Variants in CUL5 observed in about 807,000 individuals in gnomAD.
CUL5 encodes the protein cullin-5.
Under a neutral mutation model 108.8 loss-of-function variants are expected in CUL5, and 26 were observed. That is an observed-to-expected ratio of 0.24 (90% CI 0.18 to 0.33). The LOEUF (loss-of-function observed/expected upper bound fraction) is 0.33, where lower values mean the gene tolerates loss of function less well. Ranked by LOEUF, CUL5 falls within the 10% of genes least tolerant of loss-of-function variation. The pLI, the probability that CUL5 is intolerant of heterozygous loss-of-function variation, is 1.00. For missense variants in CUL5, 524 were observed against 909.2 expected (o/e 0.58, Z 5.45); for synonymous variants, 334 against 298.0 (o/e 1.12, Z -1.25).
intron 18 of CUL5, among the ~76,000 whole-genome samples, chr11:108,098,831 C>T (rs1463340540): frequency 6.6e-6 from 1 of 151,938 alleles, no homozygotes; most frequent in Non-Finnish European, 1.5e-5. Flanking sequence ...AAAAAGTTCT[C>T]TAATATTCAT....
intron 1 of CUL5, among the ~76,000 whole-genome samples, chr11:108,011,470 A>T (rs572787835): frequency 6.6e-6 from 1 of 152,296 alleles, no homozygotes; most frequent in East Asian, 1.9e-4. Flanking sequence ...CAAGAATTTA[A>T]AAAGTGTTTT....
intron 1 of CUL5, among the ~76,000 whole-genome samples, chr11:108,027,300 C>CT (rs1164958042): frequency 1.3e-5 from 2 of 150,570 alleles, no homozygotes; most frequent in South Asian, 2.1e-4. Flanking sequence ...TTGAGACAGT[C>CT]TCCCCCTGCT....
intron 1 of CUL5, among the ~76,000 whole-genome samples, chr11:108,032,310 C>T (rs929720626): frequency 7.9e-5 from 12 of 151,992 alleles, no homozygotes; most frequent in Non-Finnish European, 1.5e-4. Flanking sequence ...AGTTCAAGAC[C>T]AGCCTGGGAA....
chr11:108,060,929 G>A (rs1591306808), intron 7 of CUL5, among the ~76,000 whole-genome samples: 2 of 152,072 alleles, frequency 1.3e-5, no homozygotes, highest in Non-Finnish European at 2.9e-5. Flanking sequence ...GTACTTATTG[G>A]AGTGCCTGCT....
intron 7 of CUL5, among the ~76,000 whole-genome samples, chr11:108,063,612 TATA>T (rs1166130087): frequency 4.1e-5 from 6 of 148,116 alleles, no homozygotes; most frequent in Non-Finnish European, 7.4e-5. Context: ...AAATTTAAAG[TATA>T]ATGATAATAA....
chr11:108,053,950 A>G (rs952591257), intron 5 of CUL5, among the ~76,000 whole-genome samples: 1 of 151,820 alleles, frequency 6.6e-6, no homozygotes, highest in African/African-American at 2.4e-5. Flanking sequence ...AGTTCAAGCA[A>G]TTTTCATACC....
chr11:108,072,541 G>T, intron 9 of CUL5, 79 bp downstream of exon 9: 1 of 1,216,236 alleles, frequency 8.2e-7, no homozygotes, highest in Non-Finnish European at 1.2e-6. Flanking sequence ...AATAGTGAGC[G>T]GTTACCAGAG....
intron 11 of CUL5, among the ~76,000 whole-genome samples, chr11:108,085,861 C>T (rs566985510): frequency 4.7e-4 from 71 of 152,120 alleles, no homozygotes; most frequent in African/African-American, 1.7e-3. Context: ...TGAAAGTGTT[C>T]TAAAATTTTA....
rs1402166000 is a variant in CUL5, at chr11:108,040,599, G to C, written c.135-5671G>C. Among the ~76,000 whole-genome samples the C allele has an allele frequency of 5.2e-5, 6 of 116,110 alleles. No homozygotes were observed. In the South Asian group the frequency reaches 1.9e-3, roughly 36 times the overall value. 76.2% of individuals were successfully genotyped at this position (116,110 alleles called of 152,430 possible). A position where few individuals can be genotyped will look rare whatever the true frequency, so the allele number is the denominator to read the frequency against. On this transcript the variant is annotated intron_variant, in intron 2 of 18. Transcript: ENST00000393094. ...TGCACTCCAGCCTGGCTGACAGAGT[G>C]AGACTCCGTCTCAAAAAAAAAAAAA...
chr11:108,083,517 G>A (rs1591324213), intron 11 of CUL5, among the ~76,000 whole-genome samples: 4 of 152,342 alleles, frequency 2.6e-5, no homozygotes, highest in Non-Finnish European at 5.9e-5. Context: ...TAGGCTGGGT[G>A]CCATGGCTCA....
rs182516068 is a variant in CUL5 at position 108,044,536 on chromosome 11, A to G, written c.135-1734A>G. Reference sequence around the variant, plus strand: ...AAAAAAAAAATTAGAATATAAAACAATTTGATTATTGACATGTTGTAATTC... The same window carrying G: ...AAAAAAAAAATTAGAATATAAAACAGTTTGATTATTGACATGTTGTAATTC... On this transcript the variant is annotated intron_variant, in intron 2 of 18. Coordinates refer to ENST00000393094, the MANE Select transcript of CUL5 (RefSeq NM_003478.6). 2.4e-3 allele frequency among the ~76,000 whole-genome samples: 363 copies of G among 151,750 alleles called. 1 individual carries two copies. The highest frequency in any genetic ancestry group is 7.4e-3 in the African/African-American group (308 of 41,426).
intron 11 of CUL5, among the ~76,000 whole-genome samples, chr11:108,088,061 GCATGATGGTATATATAT>G (rs1308672698): frequency 6.6e-6 from 1 of 151,398 alleles, no homozygotes; most frequent in Admixed American, 6.6e-5. Flanking sequence ...TTTTTTTAAT[GCATGATGGTATATATAT>G]CATCATTATG....
chr11:108,072,999 G>A (rs948664737), intron 9 of CUL5, among the ~76,000 whole-genome samples: 12 of 152,128 alleles, frequency 7.9e-5, no homozygotes, highest in Admixed American at 3.3e-4. Flanking sequence ...TCAGGAGATC[G>A]AGACTATCCT....
chr11:108,073,257 AC>A, intron 9 of CUL5, 132 bp from the exon 10 acceptor site: 1 of 554,358 alleles, frequency 1.8e-6, no homozygotes, highest in South Asian at 2.5e-5. Context: ...ATATTGGAAC[AC>A]CTTTTAGTTT....
chr11:108,094,867 G>A lies in CUL5; in HGVS notation c.1623G>A (p.Glu541=), dbSNP rs1429469788. 1.2e-6 allele frequency: 2 copies of A among 1,612,718 alleles called. No individual in the cohort carries two copies. Among genetic ancestry groups the A allele is most frequent in the Non-Finnish European group, 1.7e-6 (2 of 1,179,376 alleles). ...LNAGAWSRSS[E]KVFVSLPTEL... ...CTGGCGCCTGGTCAAGAAGTTCTGA[G>A]AAAGTCTTTGTCTCACTTCCTACTG... is the stretch of plus-strand genomic sequence containing the variant. The change falls in exon 15 of 19, where the codon GAG becomes GAA. Residue 541 remains glutamate, a synonymous_variant. Coordinates refer to ENST00000393094, the MANE Select transcript of CUL5 (RefSeq NM_003478.6).
chr11:108,074,619 A>G (rs1023535685), intron 10 of CUL5, among the ~76,000 whole-genome samples: 4 of 151,978 alleles, frequency 2.6e-5, no homozygotes, highest in African/African-American at 4.8e-5. Flanking sequence ...AGCCTGATCA[A>G]CATGGAGAAA....
Position 108,077,814 on chromosome 11 carries a change from G to A in CUL5, c.1114-362G>A, listed in dbSNP as rs893639128. Among the ~76,000 whole-genome samples, 24 of 151,884 alleles carry A rather than the reference G, an allele frequency of 1.6e-4. No individual in the cohort carries two copies. In the South Asian group the frequency reaches 4.4e-3, roughly 28 times the overall value. ...ACAAAAGTTAGCCTGATGTAGTGGT[G>A]GGCACCTATAATCCCAGCTACCCAG... On this transcript the variant is annotated intron_variant, in intron 10 of 18. Transcript: ENST00000393094.
intron 10 of CUL5, among the ~76,000 whole-genome samples, chr11:108,074,496 C>G (rs752048456): frequency 9.9e-5 from 15 of 151,474 alleles, no homozygotes; most frequent in Middle Eastern, 3.4e-3. Flanking sequence ...TGCCCAGACT[C>G]TTTTTGTCTA....
In CUL5 at chr11:108,009,288, A is replaced by G. The variant is rs918162564; in HGVS notation, c.-61A>G. 2.9e-5 allele frequency: 46 copies of G among 1,598,754 alleles called. 1 individual carries two copies. The Admixed American group carries it at 7.7e-4, about 27-fold the overall frequency. On this transcript the variant is annotated 5_prime_UTR_variant, in exon 1 of 19. Coordinates refer to ENST00000393094, the MANE Select transcript of CUL5 (RefSeq NM_003478.6). Reference sequence around the variant, plus strand: ...TGGTGGGAGCTCCGGCCTCCGGTCAAGGCCTGGCCGGGAGCGCCACGAATT... The same window carrying G: ...TGGTGGGAGCTCCGGCCTCCGGTCAGGGCCTGGCCGGGAGCGCCACGAATT...
Sources: allele counts gnomAD v4.1 joint callset (sites outside exome capture counted in the v4.1 genomes callset), GRCh38; gene constraint gnomAD v4.1.1; transcripts MANE v1.5; gene names NCBI Gene and HGNC (gene_info 2026-07-23, HGNC 2026-07-21).